Variants in TENM2 observed in about 807,000 individuals in gnomAD.
TENM2 encodes the protein teneurin-2.
TENM2 carries 52 observed loss-of-function variants against 245.2 expected under a neutral mutation model. The ratio of observed to expected loss-of-function variants is 0.21; its 90% confidence interval spans 0.17 to 0.27. TENM2 has a LOEUF of 0.27. Ranked by LOEUF, TENM2 falls within the 10% of genes least tolerant of loss-of-function variation. The probability of loss-of-function intolerance (pLI) is 1.00; values close to 1 mark genes in which losing one functional copy is unlikely to be tolerated. For missense variants in TENM2, 3,046 were observed against 3,666.8 expected, an observed-to-expected ratio of 0.83 and a Z score of 4.37; for synonymous variants, 1,363 against 1,438.9, an observed-to-expected ratio of 0.95 and a Z score of 1.19.
intron 2 of TENM2, among the ~76,000 whole-genome samples, chr5:167,637,781 G>A (rs1779297507): frequency 6.6e-6 from 1 of 152,060 alleles, no homozygotes; most frequent in South Asian, 2.1e-4. Context: ...CATAGACACA[G>A]GGAGGGGAAC....
intron 1 of TENM2, among the ~76,000 whole-genome samples, chr5:167,298,011 T>C (rs1755058451): frequency 2.6e-5 from 4 of 152,100 alleles, no homozygotes; most frequent in Admixed American, 2.6e-4. Context: ...ACAGGGGATA[T>C]GATGGCTTAG....
In TENM2 at chr5:168,071,311, A is replaced by C. The variant is rs143704955; in HGVS notation, c.1515+9046A>C. ...ATTATGGTTTCAAAGCATTCATGAC[A>C]CACAACCCCAAACAAACAAAACAGA... On this transcript the variant is annotated intron_variant, in intron 7 of 28. Transcript: ENST00000518659. Among the ~76,000 whole-genome samples, 106 of 152,368 alleles carry C rather than the reference A, an allele frequency of 7.0e-4. 2 individuals are homozygous for C. In the East Asian group the frequency reaches 0.02, roughly 29 times the overall value.
chr5:167,223,807 A>G, the TENM2 span, among the ~76,000 whole-genome samples: 21 of 147,768 alleles, frequency 1.4e-4, no homozygotes, highest in Admixed American at 1.2e-3. Context: ...ATTCTCATCA[A>G]TGGTGTATAT....
chr5:167,858,973 C>G (rs1270443814), intron 2 of TENM2, among the ~76,000 whole-genome samples: 2 of 144,296 alleles, frequency 1.4e-5, no homozygotes, highest in Non-Finnish European at 3.1e-5. Flanking sequence ...GGCCGCCCAT[C>G]GTCTGGGATG....
intron 23 of TENM2, among the ~76,000 whole-genome samples, chr5:168,223,470 C>CTT (rs34029248): frequency 0.2 from 26,915 of 136,896 alleles, 3,030 homozygotes; most frequent in African/African-American, 0.29. Flanking sequence ...CAAGTAATTT[C>CTT]TTTTTTTTTT....
intron 13 of TENM2, among the ~76,000 whole-genome samples, chr5:168,177,276 A>C (rs1202956443): frequency 6.6e-6 from 1 of 152,236 alleles, no homozygotes; most frequent in Admixed American, 6.5e-5. Context: ...TGAAAAGTGG[A>C]AGTAAACAAA....
rs141328267 is a variant in TENM2 at position 167,852,417 on chromosome 5, A to G, written c.503-23569A>G. Among the ~76,000 whole-genome samples the G allele has an allele frequency of 2.4e-4, 36 of 152,320 alleles. 2 individuals are homozygous for G. Among genetic ancestry groups the G allele is most frequent in the African/African-American group, 8.7e-4 (36 of 41,564 alleles). On this transcript the variant is annotated intron_variant, in intron 2 of 28. Coordinates refer to ENST00000518659, the Ensembl canonical transcript of TENM2. Reference sequence around the variant, plus strand: ...ACAGCTTTTATAAAATGATGGTTATATCTCCTCATTATGGAATCTAATCTC... The same window carrying G: ...ACAGCTTTTATAAAATGATGGTTATGTCTCCTCATTATGGAATCTAATCTC...
intron 2 of TENM2, among the ~76,000 whole-genome samples, chr5:167,642,643 T>C (rs1047216328): frequency 2.0e-5 from 3 of 152,224 alleles, no homozygotes; most frequent in Non-Finnish European, 4.4e-5. Flanking sequence ...ACAAGCATCA[T>C]AGCAGAGCTT....
In TENM2 at chr5:167,434,872, T is replaced by C. The variant is rs1225683626; in HGVS notation, c.502+59399T>C. ...CAAATTCTGTGAGTTTCTTTGACCT[T>C]ATGGAAAAGAAGAAAATTATAGATT... On this transcript the variant is annotated intron_variant, in intron 2 of 28. Transcript: ENST00000518659. 2.0e-5 allele frequency among the ~76,000 whole-genome samples: 3 copies of C among 152,198 alleles called. No homozygotes were observed. In the South Asian group the frequency reaches 6.2e-4, roughly 31 times the overall value.
the TENM2 span, among the ~76,000 whole-genome samples, chr5:167,267,534 A>G: frequency 2.6e-5 from 4 of 152,146 alleles, no homozygotes; most frequent in South Asian, 8.3e-4. Context: ...CACTATCTCT[A>G]TATTCCAGGC....
chr5:167,766,710 C>T (rs1385329781), intron 2 of TENM2, among the ~76,000 whole-genome samples: 2 of 151,922 alleles, frequency 1.3e-5, no homozygotes, highest in African/African-American at 4.8e-5. Flanking sequence ...AACCCCATCT[C>T]TACTAAAAAT....
At chr5:167,568,077 A>G (rs937073142) in intron 2 of TENM2, among the ~76,000 whole-genome samples, 1 of 152,182 alleles carries the variant, frequency 6.6e-6, no homozygotes, top group African/African-American at 2.4e-5. Flanking sequence ...GTAATATTAG[A>G]AGAATAACAG....
intron 25 of TENM2, among the ~76,000 whole-genome samples, chr5:168,236,955 TATATATATATA>T (rs1765491960): frequency 2.4e-4 from 1 of 4,142 alleles, no homozygotes; most frequent in African/African-American, 4.6e-4. Context: ...TATATATATA[TATATATATATA>T]TATATATATA....
chr5:167,571,763 G>A (rs1199960129), intron 2 of TENM2, among the ~76,000 whole-genome samples: 6 of 152,120 alleles, frequency 3.9e-5, no homozygotes, highest in Non-Finnish European at 5.9e-5. Flanking sequence ...AAATAGTTGC[G>A]TGCTGAAATA....
chr5:167,966,757 T>TAGGCA (rs1781413535), intron 4 of TENM2, among the ~76,000 whole-genome samples: 1 of 152,242 alleles, frequency 6.6e-6, no homozygotes, highest in South Asian at 2.1e-4. Flanking sequence ...ATATTAAACC[T>TAGGCA]AGGCAACCTG....
At chr5:167,801,109 A>AAAAAT (rs1444227809) in intron 2 of TENM2, among the ~76,000 whole-genome samples, 8 of 66,556 alleles carry the variant, frequency 1.2e-4, no homozygotes, top group East Asian at 5.2e-4. Flanking sequence ...AAAAAAAAAA[A>AAAAAT]ATATATATAT....
intron 2 of TENM2, among the ~76,000 whole-genome samples, chr5:167,673,307 TAATAA>T: frequency 6.6e-6 from 1 of 152,110 alleles, no homozygotes. Flanking sequence ...ATCATAACAA[TAATAA>T]AATGATTCTA....
rs186397529 is a variant in TENM2, at chr5:168,215,536, G to A, written c.4078+264G>A. ...TACAAAAAATTAGCCGGGCGTGGCG[G>A]TGGGCGCCTGTAGTCCCAGCTACTC... On this transcript the variant is annotated intron_variant, in intron 21 of 28. Coordinates refer to ENST00000518659, the Ensembl canonical transcript of TENM2. Among the ~76,000 whole-genome samples, 753 of 152,318 alleles carry A rather than the reference G, an allele frequency of 4.9e-3. 4 individuals are homozygous for A. The highest frequency in any genetic ancestry group is 0.017 in the African/African-American group (697 of 41,574).
intron 12 of TENM2, among the ~76,000 whole-genome samples, chr5:168,131,836 C>T (rs1268131046): frequency 6.6e-5 from 10 of 152,184 alleles, no homozygotes; most frequent in Non-Finnish European, 2.9e-5. Context: ...ATCCTTACCA[C>T]CAGGCCTGTG....
Sources: allele counts gnomAD v4.1 joint callset (sites outside exome capture counted in the v4.1 genomes callset), GRCh38; gene constraint gnomAD v4.1.1; transcripts MANE v1.5; gene names NCBI Gene and HGNC (gene_info 2026-07-23, HGNC 2026-07-21).